The following OSBP2 variants were observed in gnomAD, a reference collection of about 807,000 sequenced individuals.
The protein encoded by OSBP2 is oxysterol binding protein 2, also known as oxysterol-binding protein 2.
A neutral mutation model predicts 96.0 loss-of-function variants in OSBP2; 66 were observed. That is an observed-to-expected ratio of 0.69 (90% CI 0.56 to 0.84). OSBP2 has a LOEUF of 0.84. Among genes scored for constraint, OSBP2 ranks in the 40% least tolerant of loss-of-function variants. OSBP2 has a pLI of 0.00. For synonymous variants in OSBP2, 525 were observed against 520.9 expected (o/e 1.01, Z -0.11); for missense variants, 1,038 against 1,222.7 (o/e 0.85, Z 2.25).
intron 2 of OSBP2, among the ~76,000 whole-genome samples, chr22:30,769,920 A>G (rs978849448): frequency 6.6e-6 from 1 of 152,032 alleles, no homozygotes; most frequent in African/African-American, 2.4e-5. Flanking sequence ...CCACGTGTTG[A>G]GGGTGGGGCC....
rs543702164 is a variant in OSBP2 at position 30,898,973 on chromosome 22, A to T, written c.2375+4972A>T. Among the ~76,000 whole-genome samples the T allele has an allele frequency of 3.9e-5, 6 of 152,044 alleles. No homozygotes were observed. In the South Asian group the frequency reaches 1.2e-3, roughly 31 times the overall value. On this transcript the variant is annotated intron_variant, in intron 12 of 13. Coordinates refer to ENST00000332585, the MANE Select transcript of OSBP2 (RefSeq NM_030758.4). ...CTGTCAAAATAGAAAACTACTGACAAGACTGATCAAGATAGAAATAAATAT... is the reference window on the plus strand; with the variant it reads ...CTGTCAAAATAGAAAACTACTGACATGACTGATCAAGATAGAAATAAATAT...
chr22:30,796,310 A>C (rs2090760674), intron 2 of OSBP2, among the ~76,000 whole-genome samples: 1 of 152,162 alleles, frequency 6.6e-6, no homozygotes, highest in African/African-American at 2.4e-5. Context: ...GATGATGCTC[A>C]GGGTTGAATT....
In OSBP2 at chr22:30,888,252, A is replaced by G. The variant is rs2039860980; in HGVS notation, c.1330A>G (p.Ser444Gly). The G allele has an allele frequency of 4.3e-6, 7 of 1,612,682 alleles. No homozygotes were observed. In the South Asian group the frequency reaches 5.5e-5, roughly 13 times the overall value. Residue 444 changes from serine (S) to glycine (G), a missense_variant, in exon 5 of 14, where the codon AGT (serine) becomes GGT (glycine). Transcript: ENST00000332585. ...GSLLTPKGED[S>G]EEDEDTEYFD... ...CCTCTTGACTCCCAAAGGAGAGGAC[A>G]GTGAGGAAGATGAAGATACCGAGTA...
chr22:30,799,019 A>AC (rs201507832), intron 2 of OSBP2, among the ~76,000 whole-genome samples: 1,890 of 151,704 alleles, frequency 0.012, 23 homozygotes, highest in Middle Eastern at 0.044. Context: ...GTCTCAAAAA[A>AC]AAAAAAAAAA....
At chr22:30,721,377 C>G (rs1273127206) in intron 1 of OSBP2, among the ~76,000 whole-genome samples, 5 of 152,226 alleles carry the variant, frequency 3.3e-5, no homozygotes, top group Non-Finnish European at 5.9e-5. Context: ...AGGCCGGGAT[C>G]TCATCTGTCT....
chr22:30,902,095 A>G (rs2040210435), intron 12 of OSBP2: 1 of 435,626 alleles, frequency 2.3e-6, no homozygotes, highest in African/African-American at 2.0e-5. Flanking sequence ...ACGTAGGTAA[A>G]TCTTAGCAAT....
chr22:30,795,212 A>G (rs1397464209), intron 2 of OSBP2, among the ~76,000 whole-genome samples: 1 of 151,868 alleles, frequency 6.6e-6, no homozygotes, highest in Non-Finnish European at 1.5e-5. Flanking sequence ...GGCCTGACCT[A>G]AGATTTTCTA....
At chr22:30,818,895 G>A (rs551334774) in intron 2 of OSBP2, among the ~76,000 whole-genome samples, 51 of 152,312 alleles carry the variant, frequency 3.3e-4, no homozygotes, top group African/African-American at 1.2e-3. Flanking sequence ...GGTCAGATAG[G>A]AGTTTGGAGG....
intron 1 of OSBP2, among the ~76,000 whole-genome samples, chr22:30,733,274 A>G (rs1225156463): frequency 1.3e-5 from 2 of 152,204 alleles, no homozygotes; most frequent in Admixed American, 1.3e-4. Flanking sequence ...GCAAAGTAAC[A>G]TGAGGCTTCA....
intron 2 of OSBP2, among the ~76,000 whole-genome samples, chr22:30,809,097 G>A (rs2090972658): frequency 6.6e-6 from 1 of 152,224 alleles, no homozygotes; most frequent in Admixed American, 6.5e-5. Context: ...GCTACCAGGA[G>A]CTGGAAGAGG....
chr22:30,730,758 C>A (rs1602183603), intron 1 of OSBP2, among the ~76,000 whole-genome samples: 2 of 42,918 alleles, frequency 4.7e-5, no homozygotes, highest in Admixed American at 3.2e-4. Context: ...CTCTCTCTCT[C>A]TCTCTCTCTC....
intron 2 of OSBP2, among the ~76,000 whole-genome samples, chr22:30,762,542 CA>C (rs779773654): frequency 1.3e-3 from 186 of 142,214 alleles, no homozygotes; most frequent in East Asian, 0.012. Context: ...ACTCCGTCTC[CA>C]AAAAAAAAAA....
At chr22:30,790,335 G>C (rs1312396437) in intron 2 of OSBP2, among the ~76,000 whole-genome samples, 1 of 152,106 alleles carries the variant, frequency 6.6e-6, no homozygotes, top group African/African-American at 2.4e-5. Context: ...GAAAAGATTT[G>C]ACAGCTTGAA....
At chr22:30,725,258 A>T (rs972791269) in intron 1 of OSBP2, among the ~76,000 whole-genome samples, 3 of 151,932 alleles carry the variant, frequency 2.0e-5, no homozygotes, top group African/African-American at 7.2e-5. Flanking sequence ...TAATCCCAGC[A>T]CTTTGGGAGG....
chr22:30,716,080 C>T (rs1381595348), intron 1 of OSBP2, among the ~76,000 whole-genome samples: 35 of 146,498 alleles, frequency 2.4e-4, no homozygotes, highest in Admixed American at 1.2e-3. Context: ...TCGCTCTTGT[C>T]GCCCAGGCTG....
chr22:30,778,503 G>A (rs1249129895), intron 2 of OSBP2, among the ~76,000 whole-genome samples: 2 of 152,112 alleles, frequency 1.3e-5, no homozygotes, highest in African/African-American at 2.4e-5. Context: ...GGACACTTGA[G>A]CAGCCTGCGG....
chr22:30,754,233 C>T (rs916060217), intron 2 of OSBP2, among the ~76,000 whole-genome samples: 4 of 152,150 alleles, frequency 2.6e-5, no homozygotes, highest in African/African-American at 9.7e-5. Flanking sequence ...CTGCACACTC[C>T]CTCTGTTTAT....
chr22:30,863,362 G>A (rs1233311892), intron 2 of OSBP2, among the ~76,000 whole-genome samples: 1 of 152,104 alleles, frequency 6.6e-6, no homozygotes, highest in African/African-American at 2.4e-5. Context: ...TGGCGAGGGT[G>A]CAGTTTTCTG....
chr22:30,876,364 G>C (rs2039578193), intron 3 of OSBP2, among the ~76,000 whole-genome samples: 1 of 152,222 alleles, frequency 6.6e-6, no homozygotes, highest in Non-Finnish European at 1.5e-5. Flanking sequence ...GGCAGGACTT[G>C]GTCATTGGGC....
Sources: gnomAD v4.1 joint callset for allele counts (sites outside exome capture counted in the v4.1 genomes callset) on GRCh38, gnomAD v4.1.1 for gene constraint, MANE v1.5 for transcripts, NCBI Gene and HGNC (gene_info 2026-07-23, HGNC 2026-07-21) for gene names.